The following DRC7 variants were observed in gnomAD, a reference collection of about 807,000 sequenced individuals.
DRC7 encodes coiled-coil domain containing 135.
DRC7 carries 80 observed loss-of-function variants against 104.4 expected under a neutral mutation model. The observed-to-expected ratio is 0.77, with a 90% CI of 0.64 to 0.92. The LOEUF is 0.92. Ranked by LOEUF, DRC7 falls within the 40% of genes least tolerant of loss-of-function variation. The pLI, the probability that DRC7 is intolerant of heterozygous loss-of-function variation, is 0.00. For synonymous variants in DRC7, 405 were observed against 447.3 expected, an observed-to-expected ratio of 0.91 and a Z score of 1.19; for missense variants, 1,034 against 1,141.1, an observed-to-expected ratio of 0.91 and a Z score of 1.35.
chr16:57,699,280 G>A (rs185047178), intron 4 of DRC7, among the ~76,000 whole-genome samples: 66 of 152,356 alleles, frequency 4.3e-4, no homozygotes, highest in African/African-American at 1.4e-3. Flanking sequence ...TGATTGCTGC[G>A]GGGAAACTGC....
intron 10 of DRC7, among the ~76,000 whole-genome samples, chr16:57,722,402 C>T (rs1321245289): frequency 6.6e-5 from 10 of 152,028 alleles, no homozygotes; most frequent in Non-Finnish European, 1.0e-4. Context: ...GAGGGGATGA[C>T]GGTGTTTCTG....
Position 57,723,097 on chromosome 16 carries a change from T to A in DRC7, c.1504T>A (p.Tyr502Asn). 6.2e-7 allele frequency: 1 copy of A among 1,613,796 alleles called. No individual in the cohort carries two copies. The highest frequency in any genetic ancestry group is 8.5e-7 in the Non-Finnish European group (1 of 1,179,994). Reference sequence around the variant, plus strand: ...CAAGACCACAGACCTGAAGACAGACTACTTCAAGCCTGGCCACCCCCAGGC... The same window carrying A: ...CAAGACCACAGACCTGAAGACAGACAACTTCAAGCCTGGCCACCCCCAGGC... Reference protein sequence around the residue: ...INKTTDLKTDYFKPGHPQALR... With the variant: ...INKTTDLKTDNFKPGHPQALR... Residue 502 changes from tyrosine (Y) to asparagine (N), a missense_variant, in exon 12 of 19, where the codon TAC becomes AAC. Transcript: ENST00000360716.
At chr16:57,695,495 C>G (rs7203427) in intron 1 of DRC7, among the ~76,000 whole-genome samples, 17,593 of 152,254 alleles carry the variant, frequency 0.12, 1,121 homozygotes, top group African/African-American at 0.13. Context: ...GTCTGACACA[C>G]AGTAGGCATT....
Position 57,699,004 on chromosome 16 carries a change from C to T in DRC7, c.358C>T (p.Leu120=), listed in dbSNP as rs11649000. 3.1e-6 allele frequency: 5 copies of T among 1,614,138 alleles called. No homozygotes were observed. In the South Asian group the frequency reaches 5.5e-5, roughly 18 times the overall value. ...PDRVPLFLHP[L]NECEVPKFVS... ...CCGCGTGCCCCTCTTCCTGCACCCC[C>T]TGAACGAGTGTGAAGTGCCCGTAAG... Residue 120 remains leucine, a synonymous_variant, in exon 4 of 19, where the codon CTG becomes TTG. Transcript: ENST00000360716.
In DRC7 at chr16:57,698,019, G is replaced by C; in HGVS notation, c.70G>C (p.Glu24Gln). 1 of 1,613,988 alleles carries C rather than the reference G, an allele frequency of 6.2e-7. No homozygotes were observed. The highest frequency in any genetic ancestry group is 1.1e-5 in the South Asian group (1 of 91,074). ...GCGGGAGGAGGCGGCCGAGTGGGCT[G>C]AATGGGCGAGGATGGAGAAAATGAT... ...AEREEAAEWA[E>Q]WARMEKMMRP... The change falls in exon 3 of 19, where the codon GAA becomes CAA. Residue 24 changes from glutamate (E) to glutamine (Q), a missense_variant. Physicochemically the swap from Glu to Gln is conservative, Grantham distance 29. Coordinates refer to ENST00000360716, the MANE Select transcript of DRC7 (RefSeq NM_001289162.2).
At chr16:57,726,464 T>A in intron 14 of DRC7, 181 bp downstream of exon 14, 1 of 618,098 alleles carries the variant, frequency 1.6e-6, no homozygotes, top group Non-Finnish European at 2.8e-6. Flanking sequence ...TGAGCTCCTC[T>A]GAAAATCTTC....
At position 57,726,281 on chromosome 16, in the gene DRC7, GAGGTGGGCCTGGGGGCCACGGCGGGC is replaced by G. The variant is rs1567888051; in HGVS notation, c.1974+2_1974+27del. ...GACGCCCGACATGTGCATCAGCTTC[GAGGTGGGCCTGGGGGCCACGGCGGGC>G]AGGGGTCGGCTGCAGGAGGAACCGG... On this transcript the variant is annotated splice_donor_variant and splice_donor_5th_base_variant and coding_sequence_variant and intron_variant, in exon 14 of 19. Transcript: ENST00000360716. LOFTEE classifies it high-confidence loss of function. 1 of 1,608,590 alleles carries G rather than the reference GAGGTGGGCCTGGGGGCCACGGCGGGC, an allele frequency of 6.2e-7. No homozygotes were observed. Among genetic ancestry groups the G allele is most frequent in the Admixed American group, 1.7e-5 (1 of 59,966 alleles).
rs182026784 is a variant in DRC7, at chr16:57,710,121, G to A, written c.1077+2443G>A. Among the ~76,000 whole-genome samples, 18 of 152,216 alleles carry A rather than the reference G, an allele frequency of 1.2e-4. No individual in the cohort carries two copies. In the East Asian group the frequency reaches 3.3e-3, roughly 28 times the overall value. The stretch of plus-strand genomic sequence containing the variant: ...TCCATAGATCAATTGAGAGAGAACC[G>A]TTTTCTTAACAATATTGAATTTTTC... On this transcript the variant is annotated intron_variant, in intron 8 of 18. Coordinates refer to ENST00000360716, the MANE Select transcript of DRC7 (RefSeq NM_001289162.2).
chr16:57,718,592 GGGTTCCTCAAAGC>G, intron 9 of DRC7, 117 bp downstream of exon 9: 1 of 1,236,508 alleles, frequency 8.1e-7, no homozygotes, highest in Non-Finnish European at 1.1e-6. Flanking sequence ...GACCAGTGAT[GGGTTCCTCAAAGC>G]AGGAAGGCTT....
Position 57,727,329 on chromosome 16 carries a change from G to T in DRC7, c.2116G>T (p.Glu706Ter). 1 of 1,613,396 alleles carries T rather than the reference G, an allele frequency of 6.2e-7. No individual in the cohort carries two copies. Among genetic ancestry groups the T allele is most frequent in the South Asian group, 1.1e-5 (1 of 91,074 alleles). The change falls in exon 16 of 19, where the codon GAG becomes TAG. Residue 706 changes from glutamate (E) to a stop codon, truncating the protein, a stop_gained. Transcript: ENST00000360716. LOFTEE classifies it high-confidence loss of function. ...GGAGATTCTGAAGCTTCGAGAGGAA[G>T]AGGAGGCGGCGCACACACTGACCAT... The part of the protein sequence containing the change: ...VLEILKLREE[E>*]EAAHTLTISI...
intron 11 of DRC7, 56 bp downstream of exon 11, chr16:57,722,897 T>C (rs781355161): frequency 6.2e-6 from 10 of 1,612,204 alleles, no homozygotes; most frequent in Admixed American, 1.7e-5. Flanking sequence ...GGGGGCGGCT[T>C]CTACTCTCTC....
At chr16:57,705,499 CCT>C (rs2048703671) in intron 7 of DRC7, among the ~76,000 whole-genome samples, 1 of 145,410 alleles carries the variant, frequency 6.9e-6, no homozygotes, top group Non-Finnish European at 1.5e-5. Context: ...CATCCATCCT[CCT>C]ACCCAACCTT....
intron 2 of DRC7, 61 bp from the exon 3 acceptor site, chr16:57,697,852 T>C: frequency 6.6e-7 from 1 of 1,517,290 alleles, no homozygotes; most frequent in Non-Finnish European, 8.8e-7. Context: ...GCCCAGATGG[T>C]GTTGGTGGCT....
At position 57,702,053 on chromosome 16, in the gene DRC7, A is replaced by G; in HGVS notation, c.622A>G (p.Asn208Asp). The G allele has an allele frequency of 6.2e-7, 1 of 1,614,230 alleles. No individual in the cohort carries two copies. The highest frequency in any genetic ancestry group is 1.1e-5 in the South Asian group (1 of 91,092). The change falls in exon 6 of 19, where the codon AAC becomes GAC. Residue 208 changes from asparagine to aspartate, a missense_variant. Coordinates refer to ENST00000360716, the MANE Select transcript of DRC7 (RefSeq NM_001289162.2). Reference sequence around the variant, plus strand: ...CTCTGGCTATGATGCTTACTGCGTCAACGGCTACGGCTCGCTGGACCTGTG... The same window carrying G: ...CTCTGGCTATGATGCTTACTGCGTCGACGGCTACGGCTCGCTGGACCTGTG... ...IGSGYDAYCVNGYGSLDLCHM... is the reference protein window; with the variant it reads ...IGSGYDAYCVDGYGSLDLCHM...
intron 7 of DRC7, 121 bp downstream of exon 7, chr16:57,705,155 A>T: frequency 8.8e-7 from 1 of 1,137,948 alleles, no homozygotes. Context: ...GGTCCACCTC[A>T]CAATCACCCC....
At chr16:57,707,328 A>G (rs1247636251) in intron 7 of DRC7, 132 bp from the exon 8 acceptor site, 8 of 749,990 alleles carry the variant, frequency 1.1e-5, no homozygotes, top group African/African-American at 3.5e-5. Flanking sequence ...GGGCCGTCAC[A>G]CTCCGGTTGA....
Position 57,697,962 on chromosome 16 carries a change from A to T in DRC7, c.13A>T (p.Arg5Trp). The T allele has an allele frequency of 6.2e-7, 1 of 1,612,580 alleles. No individual in the cohort carries two copies. The highest frequency in any genetic ancestry group is 8.5e-7 in the Non-Finnish European group (1 of 1,179,826). Reference sequence around the variant, plus strand: ...GAGACGCTCCAGAATGGAGGTCCTGAGGGAGAAGGTGGAGGAGGAGGAGGA... The same window carrying T: ...GAGACGCTCCAGAATGGAGGTCCTGTGGGAGAAGGTGGAGGAGGAGGAGGA... MEVL[R>W]EKVEEEEEAE... The change falls in exon 3 of 19, where the codon AGG becomes TGG. Residue 5 changes from arginine (R) to tryptophan (W), a missense_variant. Arg to Trp is a moderately radical substitution (Grantham distance 101). Transcript: ENST00000360716.
At chr16:57,703,220 A>T (rs1325216922) in intron 6 of DRC7, among the ~76,000 whole-genome samples, 2 of 150,416 alleles carry the variant, frequency 1.3e-5, no homozygotes, top group East Asian at 3.9e-4. Flanking sequence ...AAAAAAAAAA[A>T]AAAAAATCAC....
intron 10 of DRC7, among the ~76,000 whole-genome samples, chr16:57,722,240 G>A (rs1244262129): frequency 6.6e-6 from 1 of 152,218 alleles, no homozygotes; most frequent in East Asian, 1.9e-4. Context: ...GTGCCAGAGA[G>A]GCTGTCATGG....
Sources: allele counts gnomAD v4.1 joint callset (sites outside exome capture counted in the v4.1 genomes callset), GRCh38; gene constraint gnomAD v4.1.1; transcripts MANE v1.5; gene names NCBI Gene and HGNC (gene_info 2026-07-23, HGNC 2026-07-21).